FLNB: variants seen among roughly 807,000 people sequenced by gnomAD.
FLNB encodes filamin-B.
Under a neutral mutation model 250.6 loss-of-function variants are expected in FLNB, and 111 were observed. The ratio of observed to expected loss-of-function variants is 0.44; its 90% CI spans 0.38 to 0.52. The LOEUF (loss-of-function observed/expected upper bound fraction) is 0.52, where lower values mean the gene tolerates loss of function less well. FLNB is among the 20% of genes least tolerant of loss of function. FLNB has a pLI of 0.00. For missense variants in FLNB, 2,869 were observed against 3,447.8 expected (o/e 0.83, Z 4.20); for synonymous variants, 1,302 against 1,372.1 (o/e 0.95, Z 1.13).
intron 20 of FLNB, among the ~76,000 whole-genome samples, chr3:58,122,715 T>G (rs1014491445): frequency 6.6e-6 from 1 of 152,138 alleles, no homozygotes; most frequent in Non-Finnish European, 1.5e-5. Flanking sequence ...AAGCCACAGC[T>G]AGCTCCACAA....
chr3:58,168,769 A>G (rs1459294499), intron 44 of FLNB, 111 bp downstream of exon 44: 29 of 802,994 alleles, frequency 3.6e-5, no homozygotes, highest in Non-Finnish European at 6.0e-5. Flanking sequence ...GCTACTTTGA[A>G]CTTTGAATGT....
intron 1 of FLNB, among the ~76,000 whole-genome samples, chr3:58,055,352 A>G (rs1157947877): frequency 6.6e-6 from 1 of 152,146 alleles, no homozygotes; most frequent in Non-Finnish European, 1.5e-5. Context: ...GAAGGTGTTC[A>G]AGCCAGGAGT....
intron 18 of FLNB, among the ~76,000 whole-genome samples, chr3:58,118,065 A>G (rs2097281944): frequency 6.6e-6 from 1 of 151,968 alleles, no homozygotes; most frequent in South Asian, 2.1e-4. Context: ...GAGGGAGGGA[A>G]CTTGGCCAAC....
At chr3:58,030,275 C>G (rs1226836005) in intron 1 of FLNB, among the ~76,000 whole-genome samples, 4 of 152,180 alleles carry the variant, frequency 2.6e-5, no homozygotes, top group Non-Finnish European at 4.4e-5. Flanking sequence ...CTGCAAGGAA[C>G]TGAAAACTGG....
intron 1 of FLNB, among the ~76,000 whole-genome samples, chr3:58,055,551 G>C (rs2097169194): frequency 6.6e-6 from 1 of 152,184 alleles, no homozygotes; most frequent in Non-Finnish European, 1.5e-5. Context: ...AATGGGAACA[G>C]TTTAAGATGA....
intron 4 of FLNB, among the ~76,000 whole-genome samples, chr3:58,085,454 C>T (rs2097215940): frequency 6.6e-6 from 1 of 152,218 alleles, no homozygotes; most frequent in South Asian, 2.1e-4. Context: ...GTTTCATCTT[C>T]TAGTTTCTAA....
chr3:58,008,476 C>G lies in FLNB; in HGVS notation c.-89C>G, dbSNP rs2097093597. On this transcript the variant is annotated 5_prime_UTR_variant, in exon 1 of 46. Transcript: ENST00000295956. ...AGCAAGTTCGAACCCCGCTCCCGCT[C>G]CGCTTCGGTTCTCGCTCCTTCGGCC... 6.8e-7 allele frequency: 1 copy of G among 1,460,730 alleles called. No individual in the cohort carries two copies. The allele number at this position is 1,460,730 out of a possible 1,614,324, so 90.5% of individuals were successfully genotyped here.
At chr3:58,014,472 G>T (rs1440232679) in intron 1 of FLNB, among the ~76,000 whole-genome samples, 1 of 152,258 alleles carries the variant, frequency 6.6e-6, no homozygotes, top group Admixed American at 6.5e-5. Context: ...AGTTCTCCCA[G>T]CAACGGCGGA....
At chr3:58,156,732 T>C (rs1219351852) in intron 41 of FLNB, among the ~76,000 whole-genome samples, 2 of 152,210 alleles carry the variant, frequency 1.3e-5, no homozygotes, top group East Asian at 3.8e-4. Flanking sequence ...AGTCTCGCTC[T>C]GTCACCCAGG....
intron 1 of FLNB, among the ~76,000 whole-genome samples, chr3:58,031,484 T>C (rs891899558): frequency 6.7e-6 from 1 of 150,330 alleles, no homozygotes; most frequent in African/African-American, 2.4e-5. Flanking sequence ...CCTTGTGATC[T>C]GCCTGCCTCG....
In FLNB at chr3:58,104,004, T is replaced by G. The variant is rs1576723546; in HGVS notation, c.1529T>G (p.Val510Gly). 6.2e-7 allele frequency: 1 copy of G among 1,613,748 alleles called. No individual in the cohort carries two copies. Among genetic ancestry groups the G allele is most frequent in the Non-Finnish European group, 8.5e-7 (1 of 1,179,920 alleles). Reference sequence around the variant, plus strand: ...AAGCAGAAAGACTTTCTGGATGGGGTCTACGCATTCGAGTATTACCCCAGC... The same window carrying G: ...AAGCAGAAAGACTTTCTGGATGGGGGCTACGCATTCGAGTATTACCCCAGC... ...LVKQKDFLDG[V>G]YAFEYYPSTP... Residue 510 changes from valine to glycine, a missense_variant, in exon 10 of 46, where the codon GTC (valine) becomes GGC (glycine). Val to Gly is a moderately radical substitution (Grantham distance 109). This residue lies in a region of FLNB where 1,348 missense variants were observed against 1,466.7 expected (regional missense o/e 0.92). Transcript: ENST00000295956.
chr3:58,030,438 C>T (rs1004637192), intron 1 of FLNB, among the ~76,000 whole-genome samples: 3 of 152,166 alleles, frequency 2.0e-5, no homozygotes, highest in African/African-American at 7.2e-5. Flanking sequence ...AAAGCTGGTT[C>T]TCCTGTGGTT....
intron 32 of FLNB, among the ~76,000 whole-genome samples, 195 bp downstream of exon 32, chr3:58,143,808 C>T (rs1484591233): frequency 6.6e-6 from 1 of 152,230 alleles, no homozygotes; most frequent in Non-Finnish European, 1.5e-5. Context: ...TGATGTAGCT[C>T]AGTGTCTTGG....
At chr3:58,162,110 T>C (rs1053093553) in intron 42 of FLNB, among the ~76,000 whole-genome samples, 5 of 152,156 alleles carry the variant, frequency 3.3e-5, no homozygotes, top group African/African-American at 1.2e-4. Context: ...GGATGGGGAC[T>C]GTTGGAGGAT....
At chr3:58,012,159 C>T (rs113325537) in intron 1 of FLNB, among the ~76,000 whole-genome samples, 2,616 of 146,100 alleles carry the variant, frequency 0.018, 72 homozygotes, top group African/African-American at 0.062. Context: ...TGCAGTGAGC[C>T]GAGGTCTTTG....
At chr3:58,162,957 G>A in intron 42 of FLNB, 197 bp from the exon 43 acceptor site, 1 of 627,742 alleles carries the variant, frequency 1.6e-6, no homozygotes, top group Admixed American at 2.3e-5. Flanking sequence ...CAATGTGGAT[G>A]CGTTTCCCTT....
In FLNB at chr3:58,106,823, C is replaced by T; in HGVS notation, c.1891C>T (p.Pro631Ser). The T allele has an allele frequency of 1.2e-6, 2 of 1,614,080 alleles. No homozygotes were observed. The highest frequency in any genetic ancestry group is 1.7e-6 in the Non-Finnish European group (2 of 1,180,016). Residue 631 changes from proline to serine, a missense_variant, in exon 12 of 46, where the codon CCG (proline) becomes TCG (serine). Coordinates refer to ENST00000295956, the MANE Select transcript of FLNB (RefSeq NM_001457.4). ...TGACGACGAAGACATCAAGGACAGC[C>T]CGTACATGGCCTTCATCCACCCAGC... The part of the protein sequence containing the change: ...MCDDEDIKDS[P>S]YMAFIHPATG...
At chr3:58,148,123 C>T (rs1559729316) in intron 34 of FLNB, 83 bp from the exon 35 acceptor site, 3 of 1,411,064 alleles carry the variant, frequency 2.1e-6, no homozygotes, top group Non-Finnish European at 2.0e-6. Context: ...CGTGTTCATC[C>T]GTGAACAGCA....
chr3:58,162,688 T>G (rs572892132), intron 42 of FLNB: 62 of 208,910 alleles, frequency 3.0e-4, no homozygotes, highest in African/African-American at 1.3e-3. Context: ...TAAAGAGTAG[T>G]AACCTGGAGT....
Sources: gnomAD v4.1 joint callset for allele counts (sites outside exome capture counted in the v4.1 genomes callset) on GRCh38, gnomAD v4.1.1 for gene constraint, gnomAD v4.1.1 regional missense constraint, MANE v1.5 for transcripts, NCBI Gene and HGNC (gene_info 2026-07-23, HGNC 2026-07-21) for gene names.